The following ASTN2 variants were observed in gnomAD, a reference collection of about 807,000 sequenced individuals.
ASTN2 encodes the protein astrotactin-2.
A neutral mutation model predicts 139.8 loss-of-function variants in ASTN2; 54 were observed. The ratio of observed to expected loss-of-function variants is 0.39; its 90% CI spans 0.31 to 0.48. The LOEUF (loss-of-function observed/expected upper bound fraction) is 0.48. Among genes scored for constraint, ASTN2 ranks in the 20% least tolerant of loss-of-function variants. The pLI is 0.95. For missense variants in ASTN2, 1,565 were observed against 1,725.1 expected, an observed-to-expected ratio of 0.91 and a Z score of 1.64; for synonymous variants, 756 against 719.5, an observed-to-expected ratio of 1.05 and a Z score of -0.81.
At chr9:117,373,262 C>G (rs1830034974) in intron 1 of ASTN2, among the ~76,000 whole-genome samples, 1 of 152,120 alleles carries the variant, frequency 6.6e-6, no homozygotes, top group Non-Finnish European at 1.5e-5. Flanking sequence ...TTTTGTGATA[C>G]CCATCTGCTT....
At chr9:117,266,409 G>GA (rs539937234) in intron 2 of ASTN2, among the ~76,000 whole-genome samples, 364 of 149,940 alleles carry the variant, frequency 2.4e-3, no homozygotes, top group African/African-American at 7.8e-3. Flanking sequence ...GATGAAATAT[G>GA]AAAAAAAAAA....
At position 116,698,112 on chromosome 9, in the gene ASTN2, C is replaced by T. The variant is rs572052810; in HGVS notation, c.2806+27659G>A. ...TGGTTTGGTGTTATGTGAGCCCTGC[C>T]GGGAGGCAGACCATCAGCCTCCTGG... is the stretch of plus-strand genomic sequence containing the variant. On this transcript the variant is annotated intron_variant, in intron 16 of 22. Coordinates refer to ENST00000313400, the MANE Select transcript of ASTN2 (RefSeq NM_001365068.1). The surrounding 1 kb of genome is among the most constrained non-coding windows in gnomAD (Gnocchi z 4.4). 433 of 1,614,044 alleles carry T rather than the reference C, an allele frequency of 2.7e-4. 6 individuals are homozygous for T. The South Asian group carries it at 4.2e-3, about 15-fold the overall frequency.
chr9:116,840,863 G>A (rs903152041), intron 11 of ASTN2, among the ~76,000 whole-genome samples: 2 of 151,214 alleles, frequency 1.3e-5, no homozygotes, highest in Non-Finnish European at 2.9e-5. Context: ...ATGGGATGGC[G>A]GCCGGGTAGA....
intron 5 of ASTN2, 42 bp from the exon 6 acceptor site, chr9:117,040,007 G>C (rs777189168): frequency 1.9e-6 from 3 of 1,545,566 alleles, no homozygotes; most frequent in Non-Finnish European, 2.6e-6. Context: ...ATTCCATGAG[G>C]TGAGGAAATG....
intron 16 of ASTN2, among the ~76,000 whole-genome samples, chr9:116,656,017 C>T (rs767008270): frequency 1.3e-5 from 2 of 151,988 alleles, no homozygotes; most frequent in South Asian, 2.1e-4. Context: ...CATGAGCCAC[C>T]GCACCTGACC....
chr9:117,256,195 AG>A (rs1833681302), intron 2 of ASTN2, among the ~76,000 whole-genome samples: 1 of 152,142 alleles, frequency 6.6e-6, no homozygotes, highest in South Asian at 2.1e-4. Context: ...AGCCTCACCC[AG>A]GACTCGCCTT....
intron 4 of ASTN2, among the ~76,000 whole-genome samples, chr9:117,121,384 A>T (rs1408890378): frequency 6.6e-6 from 1 of 152,238 alleles, no homozygotes; most frequent in East Asian, 1.9e-4. Flanking sequence ...AGTCTGTGGC[A>T]TGCCATAACA....
At chr9:116,691,283 AAG>A (rs917631275) in intron 16 of ASTN2, among the ~76,000 whole-genome samples, 11 of 152,234 alleles carry the variant, frequency 7.2e-5, no homozygotes, top group Non-Finnish European at 1.3e-4. Flanking sequence ...AAGGAATTGA[AAG>A]AGAGAGAGGG....
chr9:116,622,065 T>C (rs1022210086), intron 17 of ASTN2, among the ~76,000 whole-genome samples: 3 of 152,238 alleles, frequency 2.0e-5, no homozygotes, highest in East Asian at 3.8e-4. Context: ...TTTTTTACTT[T>C]TGATATGCTT....
intron 10 of ASTN2, among the ~76,000 whole-genome samples, chr9:116,953,640 T>C (rs1835626224): frequency 6.6e-6 from 1 of 152,232 alleles, no homozygotes; most frequent in African/African-American, 2.4e-5. Flanking sequence ...ATTTGATTTT[T>C]TGTTTTTTTA....
chr9:117,377,319 C>A (rs1830149341), intron 1 of ASTN2, among the ~76,000 whole-genome samples: 1 of 152,164 alleles, frequency 6.6e-6, no homozygotes, highest in South Asian at 2.1e-4. Context: ...TTTTCTAAAA[C>A]CCTGTTTTGG....
intron 5 of ASTN2, among the ~76,000 whole-genome samples, chr9:117,049,240 C>A (rs1301744283): frequency 6.6e-6 from 1 of 152,062 alleles, no homozygotes; most frequent in African/African-American, 2.4e-5. Context: ...GTATTTCCCA[C>A]AAAACCAGAT....
At chr9:116,540,110 G>A (rs943685314) in intron 19 of ASTN2, among the ~76,000 whole-genome samples, 5 of 152,166 alleles carry the variant, frequency 3.3e-5, no homozygotes, top group Non-Finnish European at 5.9e-5. Context: ...ATGGCTAGCT[G>A]TAAAATACTG....
intron 11 of ASTN2, among the ~76,000 whole-genome samples, chr9:116,851,535 A>G (rs1256003463): frequency 1.3e-5 from 2 of 149,496 alleles, no homozygotes; most frequent in Admixed American, 6.6e-5. Context: ...TCTATCTTAT[A>G]GTAAATCTAC....
intron 3 of ASTN2, among the ~76,000 whole-genome samples, chr9:117,144,660 GT>G (rs71379267): frequency 6.4e-5 from 5 of 78,348 alleles, no homozygotes; most frequent in African/African-American, 2.4e-4. Context: ...GTGAACACTA[GT>G]TTTTTTTTTT....
intron 10 of ASTN2, among the ~76,000 whole-genome samples, chr9:116,922,150 C>T (rs1001727512): frequency 6.6e-6 from 1 of 152,244 alleles, no homozygotes; most frequent in Non-Finnish European, 1.5e-5. Context: ...AATGACATAA[C>T]TACAACCCTC....
At chr9:117,039,765 C>T in intron 6 of ASTN2, 54 bp downstream of exon 6, 1 of 1,558,416 alleles carries the variant, frequency 6.4e-7, no homozygotes, top group Non-Finnish European at 8.7e-7. Flanking sequence ...TTTGACCAGT[C>T]AGGGGTGCAA....
chr9:116,593,719 G>A (rs1854461822), intron 19 of ASTN2, among the ~76,000 whole-genome samples: 3 of 152,110 alleles, frequency 2.0e-5, no homozygotes, highest in South Asian at 2.1e-4. Flanking sequence ...GCTTTCATCC[G>A]CTTGACCATG....
intron 13 of ASTN2, among the ~76,000 whole-genome samples, chr9:116,788,571 A>C (rs1397261403): frequency 6.6e-6 from 1 of 152,180 alleles, no homozygotes; most frequent in African/African-American, 2.4e-5. Flanking sequence ...ATGACAGTCA[A>C]GTCATCAGAT....
Sources: gnomAD v4.1 joint callset for allele counts (sites outside exome capture counted in the v4.1 genomes callset) on GRCh38, gnomAD v4.1.1 for gene constraint, Gnocchi (gnomAD v3.1) non-coding constraint, MANE v1.5 for transcripts, NCBI Gene and HGNC (gene_info 2026-07-23, HGNC 2026-07-21) for gene names.